TENM4: variants seen among roughly 807,000 people sequenced by gnomAD.
TENM4 encodes teneurin transmembrane protein 4.
TENM4 carries 82 observed loss-of-function variants against 243.3 expected under a neutral mutation model. That is an observed-to-expected ratio of 0.34 (90% CI 0.28 to 0.40). The LOEUF (loss-of-function observed/expected upper bound fraction) is 0.40, where lower values mean the gene tolerates loss of function less well. Ranked by LOEUF, TENM4 falls within the 10% of genes least tolerant of loss-of-function variation. The pLI is 1.00. For missense variants in TENM4, 3,138 were observed against 3,673.3 expected, an observed-to-expected ratio of 0.85 and a Z score of 3.77; for synonymous variants, 1,412 against 1,456.3, an observed-to-expected ratio of 0.97 and a Z score of 0.69.
intron 15 of TENM4, among the ~76,000 whole-genome samples, chr11:78,803,887 C>T (rs952814513): frequency 6.6e-6 from 1 of 152,230 alleles, no homozygotes; most frequent in Non-Finnish European, 1.5e-5. Flanking sequence ...TAAGACCCTG[C>T]ACATCTGTGC....
intron 5 of TENM4, among the ~76,000 whole-genome samples, chr11:79,067,190 G>A (rs1337709400): frequency 6.6e-6 from 1 of 152,246 alleles, no homozygotes; most frequent in Non-Finnish European, 1.5e-5. Flanking sequence ...ATTGGTTAGA[G>A]GCTGGGCCAA....
At position 78,889,985 on chromosome 11, in the gene TENM4, A is replaced by C; in HGVS notation, c.884T>G (p.Leu295Arg). ...GTACCCTGGTGATGTGGTGCAGAAG[A>C]GCGGGGAGGTGCCTCCAGGCTTGAA... ...FLFKPGGTSP[L>R]FCTTSPGYPL... Residue 295 changes from leucine to arginine, a missense_variant, in exon 9 of 34, where the codon CTC becomes CGC. Transcript: ENST00000278550. The C allele has an allele frequency of 6.5e-7, 1 of 1,548,142 alleles. No homozygotes were observed. The highest frequency in any genetic ancestry group is 8.7e-7 in the Non-Finnish European group (1 of 1,144,366).
intron 6 of TENM4, among the ~76,000 whole-genome samples, chr11:78,923,466 C>CTGAATTCAAG (rs1856490485): frequency 6.6e-6 from 1 of 152,170 alleles, no homozygotes; most frequent in South Asian, 2.1e-4. Context: ...GAGCAGGTGA[C>CTGAATTCAAG]CCAGTTCAAG....
intron 29 of TENM4, among the ~76,000 whole-genome samples, chr11:78,683,769 G>A (rs1164607932): frequency 3.9e-5 from 6 of 152,158 alleles, no homozygotes. Context: ...CTGTAGACCG[G>A]AGCTGTTCCT....
At chr11:78,813,010 C>T (rs921126708) in intron 13 of TENM4, among the ~76,000 whole-genome samples, 1 of 152,204 alleles carries the variant, frequency 6.6e-6, no homozygotes, top group African/African-American at 2.4e-5. Context: ...ACACGTGACT[C>T]TTAAGTGCAT....
chr11:79,196,368 T>C (rs1234061527), intron 3 of TENM4, among the ~76,000 whole-genome samples: 2 of 151,562 alleles, frequency 1.3e-5, no homozygotes, highest in African/African-American at 4.9e-5. Context: ...CCTTGGCTCA[T>C]CTCGTAGGCT....
chr11:78,952,713 GA>G (rs1259454130), intron 6 of TENM4, among the ~76,000 whole-genome samples: 1 of 152,132 alleles, frequency 6.6e-6, no homozygotes, highest in Non-Finnish European at 1.5e-5. Context: ...TATTTTCCAA[GA>G]GAAGACCAGT....
At chr11:79,077,740 G>C (rs1194467001) in intron 4 of TENM4, among the ~76,000 whole-genome samples, 1 of 151,870 alleles carries the variant, frequency 6.6e-6, no homozygotes, top group Non-Finnish European at 1.5e-5. Flanking sequence ...GAAAGCTTGA[G>C]AAGTGAGGAG....
chr11:78,962,650 CG>C (rs1857354875), intron 6 of TENM4, among the ~76,000 whole-genome samples: 1 of 152,180 alleles, frequency 6.6e-6, no homozygotes, highest in Non-Finnish European at 1.5e-5. Flanking sequence ...CCTGAAAACC[CG>C]GGGTCTAGTC....
chr11:79,032,724 G>T (rs1157757946), intron 6 of TENM4, among the ~76,000 whole-genome samples: 1 of 152,138 alleles, frequency 6.6e-6, no homozygotes, highest in Non-Finnish European at 1.5e-5. Flanking sequence ...ATTCATGGGG[G>T]ATCCCCCTAA....
intron 4 of TENM4, among the ~76,000 whole-genome samples, chr11:79,138,327 A>ATATATG (rs1862154717): frequency 9.1e-6 from 1 of 109,528 alleles, no homozygotes; most frequent in African/African-American, 3.8e-5. Context: ...ATATATATAT[A>ATATATG]TATTATATAT....
chr11:79,153,722 G>T (rs562425271), intron 3 of TENM4, among the ~76,000 whole-genome samples: 1 of 152,226 alleles, frequency 6.6e-6, no homozygotes, highest in South Asian at 2.1e-4. Context: ...TCACACTGGG[G>T]CTCTTCTCCA....
At chr11:78,704,292 A>G (rs1473883034) in intron 27 of TENM4, among the ~76,000 whole-genome samples, 1 of 150,972 alleles carries the variant, frequency 6.6e-6, no homozygotes, top group Non-Finnish European at 1.5e-5. Context: ...CAGGGATTAC[A>G]GGTGTAAGCC....
chr11:78,764,021 C>T (rs972958472), intron 18 of TENM4, among the ~76,000 whole-genome samples: 5 of 148,904 alleles, frequency 3.4e-5, no homozygotes, highest in Non-Finnish European at 5.9e-5. Flanking sequence ...CCTTGGGCCC[C>T]TCATTTCCCT....
chr11:79,060,209 G>A, intron 6 of TENM4, among the ~76,000 whole-genome samples: 1 of 152,250 alleles, frequency 6.6e-6, no homozygotes, highest in East Asian at 1.9e-4. Context: ...CCCCCAGCCT[G>A]TTGGCCTCTC....
At chr11:79,294,264 A>C (rs1021127110) in intron 2 of TENM4, among the ~76,000 whole-genome samples, 5 of 152,228 alleles carry the variant, frequency 3.3e-5, no homozygotes, top group Non-Finnish European at 5.9e-5. Flanking sequence ...CTTATACTTT[A>C]TGGATAATCA....
intron 3 of TENM4, among the ~76,000 whole-genome samples, chr11:79,209,211 A>G (rs1863907738): frequency 2.0e-5 from 3 of 152,180 alleles, no homozygotes; most frequent in African/African-American, 7.2e-5. Context: ...GATGCAGGAT[A>G]GGTAAAGAAG....
intron 1 of TENM4, among the ~76,000 whole-genome samples, chr11:79,317,578 C>T (rs1178222165): frequency 6.6e-6 from 1 of 152,060 alleles, no homozygotes; most frequent in Non-Finnish European, 1.5e-5. Flanking sequence ...GTGAGTATTA[C>T]AATCCTTATT....
intron 1 of TENM4, among the ~76,000 whole-genome samples, chr11:79,376,284 A>T (rs1307495144): frequency 6.6e-6 from 1 of 152,234 alleles, no homozygotes; most frequent in East Asian, 1.9e-4. Context: ...AACTCAAAAC[A>T]AGATCAAATA....
Sources: gnomAD v4.1 joint callset for allele counts (sites outside exome capture counted in the v4.1 genomes callset) on GRCh38, gnomAD v4.1.1 for gene constraint, MANE v1.5 for transcripts, NCBI Gene and HGNC (gene_info 2026-07-23, HGNC 2026-07-21) for gene names.